The following RICTOR variants were observed in gnomAD, a reference collection of about 807,000 sequenced individuals.
RICTOR encodes the protein RPTOR independent companion of MTOR complex 2, also known as rapamycin-insensitive companion of mTOR.
A neutral mutation model predicts 214.9 loss-of-function variants in RICTOR; 49 were observed. The observed-to-expected ratio is 0.23, with a 90% confidence interval of 0.18 to 0.29. RICTOR has a LOEUF of 0.29. Among genes scored for constraint, RICTOR ranks in the 10% least tolerant of loss-of-function variants. The pLI is 1.00. For missense variants in RICTOR, 1,625 were observed against 2,047.0 expected (o/e 0.79, Z 3.98); for synonymous variants, 717 against 711.3 (o/e 1.01, Z -0.13).
At chr5:39,019,395 A>G (rs917683957) in intron 3 of RICTOR, among the ~76,000 whole-genome samples, 2 of 152,144 alleles carry the variant, frequency 1.3e-5, no homozygotes, top group African/African-American at 4.8e-5. Flanking sequence ...AGGCTGACTC[A>G]TGTCTGGGGC....
rs2112846786 is a variant in RICTOR at position 38,949,849 on chromosome 5, C to G, written c.3999G>C (p.Leu1333=). 1 of 1,613,438 alleles carries G rather than the reference C, an allele frequency of 6.2e-7. No homozygotes were observed. The change falls in exon 31 of 38, where the codon CTG becomes CTC. Residue 1333 remains leucine, a synonymous_variant. Transcript: ENST00000357387. ...GCATTCTTTGTTGCTGTAGTCTTTT[C>G]AGTGTAGCATAGCCAAAAGCATCTC... The part of the protein sequence containing the change: ...SSRDAFGYAT[L]KRLQQQRMHP...
Position 38,950,327 on chromosome 5 carries a change from C to T in RICTOR, c.3521G>A (p.Ser1174Asn), listed in dbSNP as rs556820420. Residue 1174 changes from serine (S) to asparagine (N), a missense_variant, in exon 31 of 38, where the codon AGT becomes AAT. This residue lies in a region of RICTOR where 1,214 missense variants were observed against 1,470.5 expected (regional missense o/e 0.83). Transcript: ENST00000357387. ...GTCATTTTCTCCAATGCTTGGTGTA[C>T]TACCAGTGTCTTCAATGTGCTTATT... ...MGNKHIEDTG[S>N]TPSIGENDLK... is the part of the protein sequence containing the mutation. The T allele has an allele frequency of 2.5e-5, 40 of 1,613,430 alleles. 1 individual carries two copies. The South Asian group carries it at 4.3e-4, about 17-fold the overall frequency.
intron 10 of RICTOR, among the ~76,000 whole-genome samples, chr5:38,973,945 T>C (rs929174792): frequency 2.0e-5 from 3 of 152,180 alleles, no homozygotes; most frequent in Non-Finnish European, 2.9e-5. Context: ...AAATATTATT[T>C]AGGAAGTTAT....
intron 2 of RICTOR, among the ~76,000 whole-genome samples, chr5:39,029,751 A>G (rs554933251): frequency 2.4e-4 from 37 of 152,324 alleles, no homozygotes; most frequent in African/African-American, 7.9e-4. Context: ...AAGTGGAAAT[A>G]TTTGCCTACT....
intron 31 of RICTOR, among the ~76,000 whole-genome samples, chr5:38,947,961 C>CA (rs1167589022): frequency 6.6e-6 from 1 of 152,080 alleles, no homozygotes; most frequent in Non-Finnish European, 1.5e-5. Context: ...GACACAAGAG[C>CA]AAAATGGTCA....
chr5:38,951,353 C>T lies in RICTOR; in HGVS notation c.3128-633G>A, dbSNP rs971594973. ...TTCTGTTGAATAATTACAAATACTTCAAATATATTTTCAAAGAAGGTAAAA... is the reference window on the plus strand; with the variant it reads ...TTCTGTTGAATAATTACAAATACTTTAAATATATTTTCAAAGAAGGTAAAA... On this transcript the variant is annotated intron_variant, in intron 30 of 37. Coordinates refer to ENST00000357387, the MANE Select transcript of RICTOR (RefSeq NM_152756.5). Among the ~76,000 whole-genome samples the T allele has an allele frequency of 5.9e-5, 9 of 151,890 alleles. 1 individual carries two copies. The highest frequency in any genetic ancestry group is 2.0e-4 in the Admixed American group (3 of 15,208).
intron 2 of RICTOR, among the ~76,000 whole-genome samples, chr5:39,042,031 C>T (rs1252814065): frequency 6.6e-6 from 1 of 150,504 alleles, no homozygotes; most frequent in Non-Finnish European, 1.5e-5. Context: ...AGCCTGTGTT[C>T]TTAAAAAATA....
chr5:38,972,488 C>T (rs892859624), intron 10 of RICTOR, among the ~76,000 whole-genome samples: 3 of 152,058 alleles, frequency 2.0e-5, no homozygotes, highest in African/African-American at 4.8e-5. Context: ...GTATGAATAG[C>T]CAATAAACAC....
intron 2 of RICTOR, 149 bp from the exon 3 acceptor site, chr5:39,021,285 A>G (rs1258889859): frequency 8.0e-6 from 5 of 625,876 alleles, no homozygotes; most frequent in South Asian, 1.9e-5. Flanking sequence ...AAATGACTTC[A>G]AAGTCTGTGA....
intron 2 of RICTOR, among the ~76,000 whole-genome samples, chr5:39,065,185 T>C (rs1439189560): frequency 6.6e-6 from 1 of 152,170 alleles, no homozygotes; most frequent in African/African-American, 2.4e-5. Flanking sequence ...TGGGATGGCT[T>C]CAGGAAGCTT....
chr5:39,061,626 C>T lies in RICTOR; in HGVS notation c.97+12485G>A, dbSNP rs549346316. On this transcript the variant is annotated intron_variant, in intron 2 of 37. Transcript: ENST00000357387. ...GTAATTACATTTTTTCTCGGTGGTA[C>T]TTTTCCAATATAAAAACAATTATTG... Among the ~76,000 whole-genome samples the T allele has an allele frequency of 1.1e-4, 16 of 149,058 alleles. No individual in the cohort carries two copies. The East Asian group carries it at 3.0e-3, about 28-fold the overall frequency.
chr5:38,958,451 G>A lies in RICTOR; in HGVS notation c.2412C>T (p.Leu804=). 3 of 1,604,368 alleles carry A rather than the reference G, an allele frequency of 1.9e-6. No homozygotes were observed. The highest frequency in any genetic ancestry group is 2.6e-6 in the Non-Finnish European group (3 of 1,171,410). Residue 804 remains leucine, a synonymous_variant, in exon 24 of 38, where the codon CTC becomes CTT. Transcript: ENST00000357387. ...ATTTACTTAAAATTTACCTCAGCAG[G>A]AGAAGCAAACCCTTGTCTCCAAGGT... The part of the protein sequence containing the change: ...LSHLGDKGLL[L]LLRFLSIPKG...
Position 39,074,158 on chromosome 5 carries a change from C to T in RICTOR, c.50G>A (p.Gly17Glu), listed in dbSNP as rs1225774953. ...GTTCTCCTCGCCGCTGTCATTCCGC[C>T]CTGCGCGAAACAGACACACAGCCCC... ...GRSLKNLRVRGRNDSGEENVP... is the reference protein window; with the variant it reads ...GRSLKNLRVRERNDSGEENVP... Residue 17 changes from glycine to glutamate, a missense_variant and splice_region_variant, in exon 2 of 38, where the codon GGG becomes GAG. Around this residue, in one of 5 missense-constraint regions of RICTOR, gnomAD observed 71 missense variants for 57.9 expected, o/e 1.23. Coordinates refer to ENST00000357387, the MANE Select transcript of RICTOR (RefSeq NM_152756.5). The T allele has an allele frequency of 9.4e-6, 15 of 1,589,010 alleles. No individual in the cohort carries two copies. Among genetic ancestry groups the T allele is most frequent in the East Asian group, 2.4e-5 (1 of 41,398 alleles).
At chr5:39,065,892 C>A (rs1413167878) in intron 2 of RICTOR, among the ~76,000 whole-genome samples, 5 of 152,210 alleles carry the variant, frequency 3.3e-5, no homozygotes, top group African/African-American at 9.7e-5. Flanking sequence ...AATGCTCTCA[C>A]AGGTTTTAGT....
intron 2 of RICTOR, among the ~76,000 whole-genome samples, chr5:39,057,394 T>A (rs570653740): frequency 1.3e-5 from 2 of 152,246 alleles, no homozygotes; most frequent in African/African-American, 4.8e-5. Flanking sequence ...GCGAAATTAA[T>A]CCATCACTCC....
intron 3 of RICTOR, among the ~76,000 whole-genome samples, chr5:39,016,817 G>C (rs1332476476): frequency 1.3e-5 from 2 of 152,148 alleles, no homozygotes; most frequent in African/African-American, 4.8e-5. Context: ...CACTGGAAAT[G>C]TAGTTAGTCT....
At chr5:39,051,231 A>G (rs1477254043) in intron 2 of RICTOR, among the ~76,000 whole-genome samples, 2 of 152,230 alleles carry the variant, frequency 1.3e-5, no homozygotes, top group Non-Finnish European at 2.9e-5. Flanking sequence ...CATGATCAAA[A>G]GAATGGATAA....
chr5:39,057,566 G>A (rs1758283850), intron 2 of RICTOR, among the ~76,000 whole-genome samples: 2 of 152,006 alleles, frequency 1.3e-5, no homozygotes, highest in South Asian at 4.2e-4. Context: ...GTATATATAA[G>A]AGCAATAAAT....
chr5:38,967,566 A>T, intron 12 of RICTOR, 139 bp from the exon 13 acceptor site: 1 of 638,580 alleles, frequency 1.6e-6, no homozygotes, highest in South Asian at 2.1e-5. Flanking sequence ...AAAGATACAG[A>T]CAAAAATTAG....
Sources: gnomAD v4.1 joint callset for allele counts (sites outside exome capture counted in the v4.1 genomes callset) on GRCh38, gnomAD v4.1.1 for gene constraint, gnomAD v4.1.1 regional missense constraint, MANE v1.5 for transcripts, NCBI Gene and HGNC (gene_info 2026-07-23, HGNC 2026-07-21) for gene names.